ZNF782: variants seen among roughly 807,000 people sequenced by gnomAD.
ZNF782 encodes the protein zinc finger protein 782.
In ZNF782, 12 loss-of-function variants were observed where a neutral mutation model predicts 13.0. That is an observed-to-expected ratio of 0.92 (90% CI 0.59 to 1.50). ZNF782 has a LOEUF of 1.50. ZNF782 is among the 40% of genes most tolerant of loss of function. ZNF782 has a pLI of 0.00. For synonymous variants in ZNF782, 284 were observed against 283.0 expected, an observed-to-expected ratio of 1.00 and a Z score of -0.04; for missense variants, 770 against 822.9, an observed-to-expected ratio of 0.94 and a Z score of 0.79.
chr9:96,879,209 C>T (rs1851932536), upstream of ZNF782, among the ~76,000 whole-genome samples: 1 of 152,194 alleles, frequency 6.6e-6, no homozygotes, highest in Non-Finnish European at 1.5e-5. Flanking sequence ...GATACTTAGG[C>T]CGGGCGCAGT....
intron 2 of ZNF782, 64 bp from the exon 3 acceptor site, chr9:96,852,069 C>T: frequency 1.8e-6 from 2 of 1,129,084 alleles, no homozygotes; most frequent in Non-Finnish European, 2.6e-6. Context: ...GATTAGCCTC[C>T]CCAAATCTCA....
chr9:96,831,574 A>G (rs1485814034), intron 4 of ZNF782, among the ~76,000 whole-genome samples: 4 of 151,966 alleles, frequency 2.6e-5, no homozygotes, highest in African/African-American at 9.7e-5. Context: ...TTAGCTGGAC[A>G]TGGTGGCAGG....
At chr9:96,827,042 A>C in intron 5 of ZNF782, 38 bp downstream of exon 5, 2 of 1,413,014 alleles carry the variant, frequency 1.4e-6, no homozygotes, top group Non-Finnish European at 2.0e-6. Context: ...CTCCTAGTGA[A>C]TCAGAGAACC....
rs368707314 is a variant in ZNF782, at chr9:96,818,282, G to A, written c.1741C>T (p.His581Tyr). 1.2e-6 allele frequency: 2 copies of A among 1,614,086 alleles called. No homozygotes were observed. ...FSQKSNLRVH[H>Y]RTHTGEKPYQ... is the part of the protein sequence containing the mutation. ...GGTTTCTCCCCAGTATGAGTTCTGT[G>A]ATGTACTCTGAGGTTTGATTTCTGA... The change falls in exon 6 of 6, where the codon CAC becomes TAC. Residue 581 changes from histidine (H) to tyrosine (Y), a missense_variant. By Grantham distance (83) the His-to-Tyr change is moderately conservative (BLOSUM62 2). Coordinates refer to ENST00000481138, the MANE Select transcript of ZNF782 (RefSeq NM_001001662.3).
At chr9:96,923,271 A>T in the ZNF782 span, among the ~76,000 whole-genome samples, 1 of 150,374 alleles carries the variant, frequency 6.7e-6, no homozygotes, top group Admixed American at 6.6e-5. Context: ...ATGCCACCTC[A>T]TATCCCCAAA....
At chr9:96,886,178 G>A in the ZNF782 span, among the ~76,000 whole-genome samples, 339 of 145,374 alleles carry the variant, frequency 2.3e-3, 1 homozygote, top group African/African-American at 8.5e-3. Context: ...CCTGGAGCTG[G>A]AAGAAAGTAG....
rs746802433 is a variant in ZNF782 at position 96,819,156 on chromosome 9, T to C, written c.867A>G (p.Thr289=). The change falls in exon 6 of 6, where the codon ACA becomes ACG. Residue 289 remains threonine (T), a synonymous_variant. Transcript: ENST00000481138. The stretch of plus-strand genomic sequence containing the variant: ...ACTTTTGGCTGAAGGATTTCCCTCC[T>C]GTGAGAGTTTTGTGAGTGATTCTAC... ...CFCRITHKTL[T]GGKSFSQKSH... is the part of the protein sequence containing the mutation. 2.4e-5 allele frequency: 38 copies of C among 1,613,434 alleles called. No individual in the cohort carries two copies. The highest frequency in any genetic ancestry group is 3.0e-5 in the Non-Finnish European group (35 of 1,179,746).
At chr9:96,875,453 T>C in intron 1 of ZNF782, 1 of 456,628 alleles carries the variant, frequency 2.2e-6, no homozygotes, top group East Asian at 7.0e-5. Flanking sequence ...GTTCCCGCCC[T>C]CGCCCCCCGC....
the ZNF782 span, chr9:96,893,481 G>A: frequency 6.6e-6 from 1 of 152,050 alleles, no homozygotes; most frequent in East Asian, 1.9e-4. Flanking sequence ...AATTCCTCAG[G>A]GATCTAGAAC....
At chr9:96,885,743 CAG>C in the ZNF782 span, among the ~76,000 whole-genome samples, 4 of 152,146 alleles carry the variant, frequency 2.6e-5, no homozygotes, top group African/African-American at 9.7e-5. Flanking sequence ...TTGAAAGCAT[CAG>C]AGAGAAACAA....
At chr9:96,851,856 T>C in intron 3 of ZNF782, 91 bp downstream of exon 3, 3 of 1,269,500 alleles carry the variant, frequency 2.4e-6, no homozygotes, top group Non-Finnish European at 2.3e-6. Flanking sequence ...GATTTACTTA[T>C]CTATTTCTCC....
the ZNF782 span, among the ~76,000 whole-genome samples, chr9:96,925,452 A>G: frequency 6.6e-6 from 1 of 152,096 alleles, no homozygotes; most frequent in Non-Finnish European, 1.5e-5. Context: ...AGCCTGGCCA[A>G]TATGGTGCAA....
At chr9:96,875,914 C>A (rs1327178030), upstream of ZNF782, among the ~76,000 whole-genome samples, 1 of 152,240 alleles carries the variant, frequency 6.6e-6, no homozygotes, top group Admixed American at 6.5e-5. Flanking sequence ...ATCCAGAAGA[C>A]CCTTTCCTAG....
the ZNF782 span, among the ~76,000 whole-genome samples, chr9:96,884,682 A>C: frequency 1.7e-4 from 26 of 152,258 alleles, no homozygotes; most frequent in East Asian, 4.8e-3. Context: ...GGGATGAAGA[A>C]GGACTTGAAC....
Position 96,831,712 on chromosome 9 carries a change from C to CAA in ZNF782, c.143-4533_143-4532dup, listed in dbSNP as rs36042943. ...TGGACGACAGAGTGAGACTCTGTCT[C>CAA]AAAAAAAAAAAAAAAATTGCTGTCT... is the stretch of plus-strand genomic sequence containing the variant. On this transcript the variant is annotated intron_variant, in intron 4 of 5. Coordinates refer to ENST00000481138, the MANE Select transcript of ZNF782 (RefSeq NM_001001662.3). Among the ~76,000 whole-genome samples the CAA allele has an allele frequency of 4.7e-3, 534 of 113,804 alleles. 3 individuals are homozygous for CAA. The highest frequency in any genetic ancestry group is 0.014 in the African/African-American group (488 of 34,856). The allele number at this position is 113,804 out of a possible 152,430, so 74.7% of individuals were successfully genotyped here. A position where few individuals can be genotyped will look rare whatever the true frequency, so the allele number is the denominator to read the frequency against.
the ZNF782 span, among the ~76,000 whole-genome samples, chr9:96,884,724 T>G: frequency 6.6e-6 from 1 of 152,184 alleles, no homozygotes; most frequent in Non-Finnish European, 1.5e-5. Flanking sequence ...CAATGCAGTG[T>G]GAGTCAGTGC....
At chr9:96,869,249 A>G (rs767099553) in intron 1 of ZNF782, among the ~76,000 whole-genome samples, 4 of 152,204 alleles carry the variant, frequency 2.6e-5, no homozygotes, top group African/African-American at 4.8e-5. Flanking sequence ...AAAGTTATAG[A>G]TATCATCTCT....
In ZNF782 at chr9:96,819,277, C is replaced by T. The variant is rs754766516; in HGVS notation, c.746G>A (p.Gly249Glu). The part of the protein sequence containing the change: ...KGKSYNFNKF[G>E]ENKYDKSTFI... ...GGTTGATTTATCATATTTGTTTTCC[C>T]CAAATTTATTGAAATTGTAAGATTT... Residue 249 changes from glycine to glutamate, a missense_variant, in exon 6 of 6, where the codon GGG (glycine) becomes GAG (glutamate). Gly to Glu is a moderately conservative substitution (Grantham distance 98). Transcript: ENST00000481138. The T allele has an allele frequency of 1.2e-6, 2 of 1,613,082 alleles. No individual in the cohort carries two copies. The highest frequency in any genetic ancestry group is 1.7e-4 in the Middle Eastern group (1 of 6,056).
the ZNF782 span, among the ~76,000 whole-genome samples, chr9:96,913,493 C>A: frequency 6.6e-6 from 1 of 151,750 alleles, no homozygotes; most frequent in African/African-American, 2.4e-5. Context: ...TTGACAAATG[C>A]GCCCTTCTAA....
Sources: gnomAD v4.1 joint callset for allele counts (sites outside exome capture counted in the v4.1 genomes callset) on GRCh38, gnomAD v4.1.1 for gene constraint, MANE v1.5 for transcripts, NCBI Gene and HGNC (gene_info 2026-07-23, HGNC 2026-07-21) for gene names.